Variants in ADAMTS14 observed in about 807,000 individuals in gnomAD.
ADAMTS14 encodes A disintegrin and metalloproteinase with thrombospondin motifs 14.
In ADAMTS14, 100 loss-of-function variants were observed where a neutral mutation model predicts 128.6. That is an observed-to-expected ratio of 0.78 (90% confidence interval 0.66 to 0.92). ADAMTS14 has a LOEUF of 0.92. Ranked by LOEUF, ADAMTS14 falls within the 40% of genes least tolerant of loss-of-function variation. The pLI is 0.00. For synonymous variants in ADAMTS14, 665 were observed against 653.8 expected, an observed-to-expected ratio of 1.02 and a Z score of -0.26; for missense variants, 1,562 against 1,658.6, an observed-to-expected ratio of 0.94 and a Z score of 1.01.
At chr10:70,725,329 A>G (rs1841395000) in intron 4 of ADAMTS14, among the ~76,000 whole-genome samples, 1 of 152,070 alleles carries the variant, frequency 6.6e-6, no homozygotes, top group African/African-American at 2.4e-5. Flanking sequence ...AAAACTCCCC[A>G]CTATTCAGTG....
chr10:70,683,956 C>T (rs1426454485), intron 2 of ADAMTS14, among the ~76,000 whole-genome samples: 1 of 152,146 alleles, frequency 6.6e-6, no homozygotes, highest in African/African-American at 2.4e-5. Context: ...TTCATTCTTG[C>T]ACTGCTATAA....
chr10:70,708,825 G>GC, intron 4 of ADAMTS14, 47 bp downstream of exon 4: 2 of 846,732 alleles, frequency 2.4e-6, no homozygotes, highest in South Asian at 1.9e-5. Context: ...GGGTGGGGTG[G>GC]GCCCCACCCC....
At chr10:70,751,006 T>C (rs1292302326) in intron 16 of ADAMTS14, among the ~76,000 whole-genome samples, 1 of 152,164 alleles carries the variant, frequency 6.6e-6, no homozygotes, top group African/African-American at 2.4e-5. Flanking sequence ...TTCATCAAGA[T>C]TGAAAACTTA....
chr10:70,722,787 T>G (rs981481210), intron 4 of ADAMTS14, among the ~76,000 whole-genome samples: 1 of 152,292 alleles, frequency 6.6e-6, no homozygotes, highest in Non-Finnish European at 1.5e-5. Flanking sequence ...AGGTATAAAA[T>G]AGATAAAAGT....
chr10:70,708,266 A>G (rs1377004712), intron 3 of ADAMTS14, among the ~76,000 whole-genome samples: 7 of 152,150 alleles, frequency 4.6e-5, no homozygotes, highest in African/African-American at 1.4e-4. Flanking sequence ...AAGAGAGACA[A>G]TGGAGGCCAG....
In ADAMTS14 at chr10:70,745,288, A is replaced by T. The variant is rs1564554035; in HGVS notation, c.2245A>T (p.Lys749Ter). 1.2e-6 allele frequency: 2 copies of T among 1,612,568 alleles called. No individual in the cohort carries two copies. Among genetic ancestry groups the T allele is most frequent in the Non-Finnish European group, 1.7e-6 (2 of 1,179,974 alleles). Residue 749 changes from lysine to a stop codon, truncating the protein, a stop_gained, in exon 15 of 22, where the codon AAG becomes TAG. Coordinates refer to ENST00000373207, the MANE Select transcript of ADAMTS14 (RefSeq NM_080722.4). LOFTEE classifies it high-confidence loss of function. ...ARHIQIEALE[K>*]SPHRIVVKNQ... ...GCACATCCAGATTGAGGCACTGGAG[A>T]AGTCCCCCCACCGCATTGGTGAGTG...
intron 19 of ADAMTS14, among the ~76,000 whole-genome samples, chr10:70,756,025 A>G (rs888916368): frequency 3.3e-5 from 5 of 152,256 alleles, no homozygotes; most frequent in Non-Finnish European, 5.9e-5. Context: ...CATATAATAC[A>G]GTACTATACA....
At chr10:70,713,457 C>A (rs1840923972) in intron 4 of ADAMTS14, among the ~76,000 whole-genome samples, 1 of 152,210 alleles carries the variant, frequency 6.6e-6, no homozygotes, top group South Asian at 2.1e-4. Flanking sequence ...GCCAGTGGGG[C>A]AGGAGCCCCA....
chr10:70,747,102 T>C lies in ADAMTS14; in HGVS notation c.2263+1796T>C, dbSNP rs141914541. 3.7e-3 allele frequency among the ~76,000 whole-genome samples: 565 copies of C among 152,342 alleles called. 3 individuals carry two copies. The highest frequency in any genetic ancestry group is 0.013 in the African/African-American group (527 of 41,586). ...AGATTATCATCAAAATAGCAATTTG[T>C]AAATACCTTCAAAGTTTCCTGGATA... is the stretch of plus-strand genomic sequence containing the variant. On this transcript the variant is annotated intron_variant, in intron 15 of 21. Transcript: ENST00000373207.
intron 2 of ADAMTS14, among the ~76,000 whole-genome samples, chr10:70,687,965 AC>A (rs1258101292): frequency 0.039 from 1,141 of 29,010 alleles, 83 homozygotes; most frequent in African/African-American, 0.12. Flanking sequence ...CGGGGGGCTG[AC>A]CCCCCCCCCG....
intron 15 of ADAMTS14, among the ~76,000 whole-genome samples, chr10:70,748,781 TC>T (rs1842261649): frequency 6.6e-6 from 1 of 152,232 alleles, no homozygotes; most frequent in Non-Finnish European, 1.5e-5. Flanking sequence ...TTTAAATCTG[TC>T]CCAGGTGGGA....
At chr10:70,757,886 C>T (rs923438149) in intron 19 of ADAMTS14, 76 bp from the exon 20 acceptor site, 4 of 1,518,344 alleles carry the variant, frequency 2.6e-6, no homozygotes, top group Non-Finnish European at 3.5e-6. Flanking sequence ...GGGCTCTGAG[C>T]TCACTGACTC....
At chr10:70,727,912 G>T (rs1173585383) in intron 4 of ADAMTS14, among the ~76,000 whole-genome samples, 1 of 152,046 alleles carries the variant, frequency 6.6e-6, no homozygotes, top group Non-Finnish European at 1.5e-5. Context: ...TGGCTAACAC[G>T]GTGAAACCCC....
intron 4 of ADAMTS14, among the ~76,000 whole-genome samples, chr10:70,715,068 G>C (rs1411200101): frequency 1.3e-5 from 2 of 152,008 alleles, no homozygotes; most frequent in Non-Finnish European, 2.9e-5. Context: ...GTTTTTAGGA[G>C]AACTAACGGG....
At chr10:70,744,302 C>T (rs1231637368) in intron 14 of ADAMTS14, 113 bp downstream of exon 14, 1 of 1,333,490 alleles carries the variant, frequency 7.5e-7, no homozygotes, top group Non-Finnish European at 9.7e-7. Context: ...GAGAAGGGGC[C>T]CTGGGGCCCA....
At chr10:70,723,766 C>A (rs916265610) in intron 4 of ADAMTS14, among the ~76,000 whole-genome samples, 1 of 152,176 alleles carries the variant, frequency 6.6e-6, no homozygotes, top group Non-Finnish European at 1.5e-5. Context: ...AGTGAGTGGA[C>A]CTTTTACAAC....
chr10:70,680,385 A>G (rs1338108385), intron 2 of ADAMTS14, among the ~76,000 whole-genome samples: 2 of 152,232 alleles, frequency 1.3e-5, no homozygotes, highest in African/African-American at 4.8e-5. Context: ...AGCCTAGGCA[A>G]CAAGAGCGAA....
intron 16 of ADAMTS14, 50 bp from the exon 17 acceptor site, chr10:70,751,428 C>T (rs763887702): frequency 1.6e-4 from 258 of 1,566,800 alleles, no homozygotes; most frequent in Non-Finnish European, 2.0e-4. Flanking sequence ...CAGTGCATGC[C>T]GCCCTTGCTT....
At chr10:70,744,985 T>C (rs1024431348) in intron 14 of ADAMTS14, among the ~76,000 whole-genome samples, 2 of 152,042 alleles carry the variant, frequency 1.3e-5, no homozygotes, top group African/African-American at 2.4e-5. Flanking sequence ...AAGAGGGAAG[T>C]AATAGCAGCT....
Sources: gnomAD v4.1 joint callset for allele counts (sites outside exome capture counted in the v4.1 genomes callset) on GRCh38, gnomAD v4.1.1 for gene constraint, MANE v1.5 for transcripts, NCBI Gene and HGNC (gene_info 2026-07-23, HGNC 2026-07-21) for gene names.